The following SLC44A5 variants were observed in gnomAD, a reference collection of about 807,000 sequenced individuals.
SLC44A5 encodes the protein choline transporter-like protein 5.
Under a neutral mutation model 101.8 loss-of-function variants are expected in SLC44A5, and 57 were observed. The ratio of observed to expected loss-of-function variants is 0.56; its 90% CI spans 0.45 to 0.70. The LOEUF is 0.70. Among genes scored for constraint, SLC44A5 ranks in the 30% least tolerant of loss-of-function variants. The probability of loss-of-function intolerance (pLI) is 0.00; values close to 1 mark genes in which losing one functional copy is unlikely to be tolerated. For synonymous variants in SLC44A5, 281 were observed against 290.9 expected, an observed-to-expected ratio of 0.97 and a Z score of 0.35; for missense variants, 737 against 853.1, an observed-to-expected ratio of 0.86 and a Z score of 1.70.
At chr1:75,374,315 T>C (rs542954228) in intron 3 of SLC44A5, among the ~76,000 whole-genome samples, 116 of 152,238 alleles carry the variant, frequency 7.6e-4, no homozygotes, top group Non-Finnish European at 1.4e-3. Context: ...ATCACCAGAC[T>C]ACCTGCAGAC....
chr1:75,684,799 G>A, the SLC44A5 span, among the ~76,000 whole-genome samples: 1 of 152,164 alleles, frequency 6.6e-6, no homozygotes, highest in Non-Finnish European at 1.5e-5. Context: ...GGTGCAAGCT[G>A]TCAGTGGTTC....
intron 2 of SLC44A5, among the ~76,000 whole-genome samples, chr1:75,540,144 T>A (rs1671279158): frequency 6.6e-6 from 1 of 152,218 alleles, no homozygotes; most frequent in Non-Finnish European, 1.5e-5. Flanking sequence ...TCTGAATTTC[T>A]ATCTGTGAAT....
chr1:75,237,122 G>GA, intron 10 of SLC44A5, 52 bp from the exon 11 acceptor site: 1 of 1,091,318 alleles, frequency 9.2e-7, no homozygotes, highest in Non-Finnish European at 1.4e-6. Flanking sequence ...CCACTAAACA[G>GA]AAATGTTCTT....
intron 2 of SLC44A5, among the ~76,000 whole-genome samples, chr1:75,528,352 A>C (rs190365884): frequency 5.9e-5 from 9 of 152,356 alleles, no homozygotes; most frequent in Admixed American, 1.3e-4. Context: ...TATTTTATAA[A>C]ATTATGAGAA....
intron 2 of SLC44A5, chr1:75,522,356 T>A (rs1461258841): frequency 5.5e-5 from 2 of 36,264 alleles, no homozygotes; most frequent in African/African-American, 1.2e-4. Flanking sequence ...GGACTTTTTT[T>A]TAAAAAAAAA....
At chr1:75,464,762 A>G (rs958913028) in intron 2 of SLC44A5, among the ~76,000 whole-genome samples, 7 of 152,226 alleles carry the variant, frequency 4.6e-5, no homozygotes, top group African/African-American at 1.7e-4. Context: ...AGATTTCAAG[A>G]CAAAAACTAT....
the SLC44A5 span, among the ~76,000 whole-genome samples, chr1:75,659,429 G>GAGGGAGGGAGGGAAGGA: frequency 1.9e-4 from 2 of 10,532 alleles, no homozygotes; most frequent in Non-Finnish European, 6.1e-4. Context: ...GGGAGGGTGG[G>GAGGGAGGGAGGGAAGGA]AGGGAGGGAG....
chr1:75,659,117 A>G, the SLC44A5 span, among the ~76,000 whole-genome samples: 1 of 151,888 alleles, frequency 6.6e-6, no homozygotes, highest in African/African-American at 2.4e-5. Context: ...ATGTAACAAG[A>G]TAGAACAGTA....
At chr1:75,682,571 GA>G in the SLC44A5 span, among the ~76,000 whole-genome samples, 1 of 151,898 alleles carries the variant, frequency 6.6e-6, no homozygotes, top group African/African-American at 2.4e-5. Flanking sequence ...GCTGAAACTG[GA>G]TCCCTTCCTT....
At chr1:75,597,827 G>T (rs931333320) in intron 1 of SLC44A5, among the ~76,000 whole-genome samples, 1 of 151,950 alleles carries the variant, frequency 6.6e-6, no homozygotes, top group Non-Finnish European at 1.5e-5. Context: ...AAACCTAAAA[G>T]TATAAAGTCC....
chr1:75,644,527 G>T, the SLC44A5 span, among the ~76,000 whole-genome samples: 1 of 151,530 alleles, frequency 6.6e-6, no homozygotes, highest in Non-Finnish European at 1.5e-5. Flanking sequence ...GTGGAAAAAA[G>T]ATTTATTTCT....
intron 1 of SLC44A5, among the ~76,000 whole-genome samples, chr1:75,553,585 A>C (rs1450739623): frequency 1.3e-5 from 2 of 152,206 alleles, no homozygotes; most frequent in Non-Finnish European, 2.9e-5. Context: ...GTCCAGAGCT[A>C]GGGAATGGGG....
chr1:75,232,474 C>A (rs34755141), intron 12 of SLC44A5, among the ~76,000 whole-genome samples: 42,848 of 151,638 alleles, frequency 0.28, 6,325 homozygotes, highest in Middle Eastern at 0.36. Context: ...CTGATTAGGG[C>A]ATGAAAGTTC....
intron 20 of SLC44A5, 152 bp from the exon 21 acceptor site, chr1:75,214,141 C>G: frequency 1.6e-6 from 1 of 625,638 alleles, no homozygotes; most frequent in Non-Finnish European, 2.9e-6. Flanking sequence ...TGGTGGAACT[C>G]ATGGATGATG....
intron 2 of SLC44A5, among the ~76,000 whole-genome samples, chr1:75,517,219 A>G (rs1280234881): frequency 6.6e-6 from 1 of 152,172 alleles, no homozygotes; most frequent in Non-Finnish European, 1.5e-5. Context: ...TTCCGAGACT[A>G]TATAGAATGT....
chr1:75,604,685 T>C (rs1675213325), intron 1 of SLC44A5, among the ~76,000 whole-genome samples: 1 of 152,072 alleles, frequency 6.6e-6, no homozygotes, highest in Non-Finnish European at 1.5e-5. Flanking sequence ...CATCTATGAT[T>C]TATTTCAGCA....
At chr1:75,215,369 G>T (rs183155585) in intron 19 of SLC44A5, among the ~76,000 whole-genome samples, 2 of 152,112 alleles carry the variant, frequency 1.3e-5, no homozygotes, top group Admixed American at 1.3e-4. Context: ...AAAAGGATAA[G>T]ACCCTTCTTT....
At chr1:75,612,435 C>T (rs560087317), upstream of SLC44A5, among the ~76,000 whole-genome samples, 9 of 152,184 alleles carry the variant, frequency 5.9e-5, no homozygotes, top group Non-Finnish European at 1.2e-4. Context: ...ACCTTAAGGC[C>T]TGAAGTGTTA....
the SLC44A5 span, among the ~76,000 whole-genome samples, chr1:75,699,463 G>A: frequency 9.2e-5 from 14 of 151,942 alleles, 1 homozygote; most frequent in South Asian, 4.2e-4. Flanking sequence ...GAGAGATTTC[G>A]TCACCACCCG....
Sources: gnomAD v4.1 joint callset for allele counts (sites outside exome capture counted in the v4.1 genomes callset) on GRCh38, gnomAD v4.1.1 for gene constraint, MANE v1.5 for transcripts, NCBI Gene and HGNC (gene_info 2026-07-23, HGNC 2026-07-21) for gene names.